The following FHAD1 variants were observed in gnomAD, a reference collection of about 807,000 sequenced individuals.
The protein encoded by FHAD1 is forkhead-associated domain-containing protein 1.
FHAD1 carries 146 observed loss-of-function variants against 191.3 expected under a neutral mutation model. The ratio of observed to expected loss-of-function variants is 0.76; its 90% confidence interval spans 0.67 to 0.88. FHAD1 has a LOEUF of 0.88. FHAD1 is among the 40% of genes least tolerant of loss of function. FHAD1 has a pLI of 0.00. For missense variants in FHAD1, 1,635 were observed against 1,785.8 expected (o/e 0.92, Z 1.52); for synonymous variants, 616 against 672.3 (o/e 0.92, Z 1.29).
Position 15,397,550 on chromosome 1 carries a change from G to A in FHAD1, c.*137G>A, listed in dbSNP as rs562209052. On this transcript the variant is annotated 3_prime_UTR_variant, in exon 34 of 34. Coordinates refer to ENST00000688493, the MANE Select transcript of FHAD1 (RefSeq NM_001391957.1). ...CCCTAGTGTTTCATTTCCTAGACCAGTATTTTGAACAATATTATATTTTGG... is the reference window on the plus strand; with the variant it reads ...CCCTAGTGTTTCATTTCCTAGACCAATATTTTGAACAATATTATATTTTGG... 7 of 456,908 alleles carry A rather than the reference G, an allele frequency of 1.5e-5. No homozygotes were observed. Among genetic ancestry groups the A allele is most frequent in the East Asian group, 3.3e-5 (1 of 30,620 alleles). 28.3% of individuals were successfully genotyped at this position (456,908 alleles called of 1,614,324 possible).
chr1:15,250,356 GCAC>G (rs1396767241), intron 1 of FHAD1, among the ~76,000 whole-genome samples: 1 of 152,198 alleles, frequency 6.6e-6, no homozygotes, highest in African/African-American at 2.4e-5. Context: ...ATTTCGAAAT[GCAC>G]CACAATATAA....
chr1:15,347,736 A>G (rs1689418686), intron 18 of FHAD1, among the ~76,000 whole-genome samples: 1 of 152,232 alleles, frequency 6.6e-6, no homozygotes, highest in Admixed American at 6.5e-5. Context: ...GGCGTGAGCC[A>G]CCGCTCCCGG....
chr1:15,295,677 A>C (rs1206699184), intron 4 of FHAD1, among the ~76,000 whole-genome samples: 1 of 152,282 alleles, frequency 6.6e-6, no homozygotes, highest in East Asian at 1.9e-4. Context: ...ATATATTTTC[A>C]ATCCACAGTT....
rs560626099 is a variant in FHAD1, at chr1:15,288,088, GAGA to G, written c.301-1305_301-1303del. Among the ~76,000 whole-genome samples, 526 of 152,276 alleles carry G rather than the reference GAGA, an allele frequency of 3.5e-3. 2 individuals carry two copies. The highest frequency in any genetic ancestry group is 5.9e-3 in the Non-Finnish European group (403 of 68,028). On this transcript the variant is annotated intron_variant, in intron 3 of 33. Transcript: ENST00000688493. The stretch of plus-strand genomic sequence containing the variant: ...ACAGAGGAGGGGAAAGAGAGAGAGA[GAGA>G]AGAAGGAGAGGCCATCAGATCTTGA...
intron 6 of FHAD1, among the ~76,000 whole-genome samples, chr1:15,306,651 T>C (rs372809569): frequency 6.6e-6 from 1 of 152,208 alleles, no homozygotes; most frequent in Non-Finnish European, 1.5e-5. Context: ...GGGGCCAACA[T>C]AGAGCTTGGG....
chr1:15,287,442 A>T lies in FHAD1; in HGVS notation c.301-1957A>T, dbSNP rs541231514. On this transcript the variant is annotated intron_variant, in intron 3 of 33. Transcript: ENST00000688493. The stretch of plus-strand genomic sequence containing the variant: ...AAACTTACAATCATGGCAGAAGGGG[A>T]AGCAAACGTGTCCTTCCTCACATGG... 9.2e-5 allele frequency among the ~76,000 whole-genome samples: 14 copies of T among 152,262 alleles called. No homozygotes were observed. The East Asian group carries it at 2.7e-3, about 29-fold the overall frequency.
rs935979664 is a variant in FHAD1 at position 15,276,888 on chromosome 1, C to T, written c.300+4359C>T. Among the ~76,000 whole-genome samples the T allele has an allele frequency of 2.0e-5, 3 of 151,948 alleles. No individual in the cohort carries two copies. Among genetic ancestry groups the T allele is most frequent in the East Asian group, 1.9e-4 (1 of 5,160 alleles). On this transcript the variant is annotated intron_variant, in intron 3 of 33. Coordinates refer to ENST00000688493, the MANE Select transcript of FHAD1 (RefSeq NM_001391957.1). The surrounding 1 kb of genome is among the most constrained non-coding windows in gnomAD (Gnocchi z 4.7). Reference sequence around the variant, plus strand: ...AAAGATGGCACCCCCTGGAGTTGTGCGAGGCATAACCTACAGGGCCATTTG... The same window carrying T: ...AAAGATGGCACCCCCTGGAGTTGTGTGAGGCATAACCTACAGGGCCATTTG...
intron 4 of FHAD1, among the ~76,000 whole-genome samples, chr1:15,295,850 A>G (rs1212679861): frequency 1.3e-5 from 2 of 152,248 alleles, no homozygotes; most frequent in African/African-American, 2.4e-5. Context: ...AGAAGCAGCC[A>G]TAGATGATAC....
intron 1 of FHAD1, among the ~76,000 whole-genome samples, chr1:15,236,937 C>T (rs1644846269): frequency 6.6e-6 from 1 of 152,162 alleles, no homozygotes; most frequent in Non-Finnish European, 1.5e-5. Flanking sequence ...TCGTGCTGTT[C>T]TCTTGACAGT....
rs1283465258 is a variant in FHAD1, at chr1:15,276,408, A to G, written c.300+3879A>G. On this transcript the variant is annotated intron_variant, in intron 3 of 33. Coordinates refer to ENST00000688493, the MANE Select transcript of FHAD1 (RefSeq NM_001391957.1). This position sits in a 1 kb window ranked among gnomAD's most constrained non-coding sequence, Gnocchi z 4.7. ...ATAACTTACCCATGGAGTGACATAC[A>G]AGGTAGAAAAACAGAAAGAAACTCT... Among the ~76,000 whole-genome samples the G allele has an allele frequency of 6.6e-6, 1 of 152,230 alleles. No individual in the cohort carries two copies. Among genetic ancestry groups the G allele is most frequent in the Non-Finnish European group, 1.5e-5 (1 of 68,042 alleles).
At chr1:15,400,499 G>A (rs187693449), downstream of FHAD1, among the ~76,000 whole-genome samples, 1 of 152,248 alleles carries the variant, frequency 6.6e-6, no homozygotes, top group East Asian at 1.9e-4. Context: ...TTGGGTTAGG[G>A]TAGTAGTTCT....
intron 20 of FHAD1, among the ~76,000 whole-genome samples, chr1:15,356,276 C>A (rs1479436333): frequency 6.6e-6 from 1 of 152,200 alleles, no homozygotes; most frequent in Non-Finnish European, 1.5e-5. Flanking sequence ...TGTTCCAAAG[C>A]AGGGAGGTGA....
At chr1:15,374,393 G>T in intron 26 of FHAD1, 109 bp from the exon 27 acceptor site, 1 of 1,334,368 alleles carries the variant, frequency 7.5e-7, no homozygotes, top group East Asian at 2.6e-5. Flanking sequence ...TTTTTCCAAA[G>T]GTGCTAAGTG....
At chr1:15,237,186 C>G (rs939567942) in intron 1 of FHAD1, among the ~76,000 whole-genome samples, 4 of 152,148 alleles carry the variant, frequency 2.6e-5, no homozygotes, top group Non-Finnish European at 5.9e-5. Context: ...AATACAGGCT[C>G]TTTATCACTC....
chr1:15,279,945 G>A (rs954174638), intron 3 of FHAD1, among the ~76,000 whole-genome samples: 1 of 152,178 alleles, frequency 6.6e-6, no homozygotes, highest in Admixed American at 6.5e-5. Context: ...CTGAGCCTCC[G>A]TAATGAGATT....
At position 15,324,669 on chromosome 1, in the gene FHAD1, C is replaced by T. The variant is rs992013129; in HGVS notation, c.1473+110C>T. ...CGCCCAAGGTAGAAAGACAGACGTG[C>T]GTTAATTCTCCCATTTATCTCATGA... is the stretch of plus-strand genomic sequence containing the variant. On this transcript the variant is annotated intron_variant, in intron 11 of 33. Coordinates refer to ENST00000688493, the MANE Select transcript of FHAD1 (RefSeq NM_001391957.1). The T allele has an allele frequency of 2.0e-5, 15 of 739,944 alleles. No individual in the cohort carries two copies. The Admixed American group carries it at 2.4e-4, about 12-fold the overall frequency. 45.8% of individuals were successfully genotyped at this position (739,944 alleles called of 1,614,324 possible).
chr1:15,324,757 A>T (rs933070241), intron 11 of FHAD1, 198 bp downstream of exon 11: 1 of 586,534 alleles, frequency 1.7e-6, no homozygotes, highest in African/African-American at 1.9e-5. Flanking sequence ...TGCTGCTGGG[A>T]GGCCTCCCAC....
intron 26 of FHAD1, among the ~76,000 whole-genome samples, chr1:15,369,720 C>T (rs748536324): frequency 6.6e-6 from 1 of 152,214 alleles, no homozygotes; most frequent in Non-Finnish European, 1.5e-5. Context: ...AGATCTTTCC[C>T]TCGGAGAGGC....
At chr1:15,362,511 G>A in intron 22 of FHAD1, 131 bp from the exon 23 acceptor site, 2 of 706,248 alleles carry the variant, frequency 2.8e-6, no homozygotes, top group East Asian at 5.4e-5. Context: ...TGGCACACGT[G>A]CAGGTCTCAC....
Sources: allele counts gnomAD v4.1 joint callset (sites outside exome capture counted in the v4.1 genomes callset), GRCh38; gene constraint gnomAD v4.1.1; non-coding constraint Gnocchi (gnomAD v3.1); transcripts MANE v1.5; gene names NCBI Gene and HGNC (gene_info 2026-07-23, HGNC 2026-07-21).